CAMK1D: variants seen among roughly 807,000 people sequenced by gnomAD.
The protein encoded by CAMK1D is calcium/calmodulin-dependent protein kinase type 1D.
A neutral mutation model predicts 47.7 loss-of-function variants in CAMK1D; 9 were observed. The ratio of observed to expected loss-of-function variants is 0.19; its 90% CI spans 0.11 to 0.33. CAMK1D has a LOEUF of 0.33. Among genes scored for constraint, CAMK1D ranks in the 10% least tolerant of loss-of-function variants. The pLI is 1.00. For synonymous variants in CAMK1D, 184 were observed against 184.9 expected (o/e 0.99, Z 0.04); for missense variants, 291 against 488.7 (o/e 0.60, Z 3.81).
At chr10:12,367,671 C>T (rs973668510) in intron 1 of CAMK1D, among the ~76,000 whole-genome samples, 9 of 152,158 alleles carry the variant, frequency 5.9e-5, no homozygotes, top group South Asian at 2.1e-4. Flanking sequence ...ATCCCTGGTG[C>T]GCACAGTTCA....
At chr10:12,514,074 C>T (rs1111058) in intron 1 of CAMK1D, among the ~76,000 whole-genome samples, 14,407 of 152,188 alleles carry the variant, frequency 0.095, 899 homozygotes, top group East Asian at 0.36. Context: ...AACAGAGTTT[C>T]CCTGACTTGC....
intron 2 of CAMK1D, among the ~76,000 whole-genome samples, chr10:12,568,805 G>C (rs1837224760): frequency 6.6e-6 from 1 of 152,168 alleles, no homozygotes; most frequent in Non-Finnish European, 1.5e-5. Flanking sequence ...AACTAAGTAA[G>C]TGATACAGTG....
In CAMK1D at chr10:12,349,760, C is replaced by T. The variant is rs544813661; in HGVS notation, c.-59C>T. 8.0e-5 allele frequency: 61 copies of T among 762,712 alleles called. 1 individual carries two copies. In the East Asian group the frequency reaches 6.0e-3, roughly 75 times the overall value. The allele number at this position is 762,712 out of a possible 1,614,324, so 47.2% of individuals were successfully genotyped here. The stretch of plus-strand genomic sequence containing the variant: ...CGCCGCCTCTGCGCCCGCGCCGCGC[C>T]CCCGGCGCCCCCTCCCCAGCGCGCC... On this transcript the variant is annotated 5_prime_UTR_variant, in exon 1 of 11. Transcript: ENST00000619168.
intron 1 of CAMK1D, among the ~76,000 whole-genome samples, chr10:12,422,607 AT>A: frequency 6.6e-6 from 1 of 152,234 alleles, no homozygotes; most frequent in Middle Eastern, 3.4e-3. Flanking sequence ...GGAAAGCAGG[AT>A]TTGGGCTTAT....
At chr10:12,807,765 G>C (rs553136482) in intron 6 of CAMK1D, among the ~76,000 whole-genome samples, 186 of 152,274 alleles carry the variant, frequency 1.2e-3, no homozygotes, top group African/African-American at 4.3e-3. Flanking sequence ...GATCTGCCCG[G>C]TTCTGTCTGA....
intron 2 of CAMK1D, among the ~76,000 whole-genome samples, chr10:12,645,758 C>G (rs1310024019): frequency 6.6e-6 from 1 of 152,154 alleles, no homozygotes; most frequent in African/African-American, 2.4e-5. Context: ...GAGAGTTGGA[C>G]GGCTGATGGG....
intron 2 of CAMK1D, among the ~76,000 whole-genome samples, chr10:12,635,023 C>CA (rs1158114454): frequency 1.3e-5 from 2 of 152,138 alleles, no homozygotes; most frequent in African/African-American, 4.8e-5. Context: ...CCCAGACAGA[C>CA]AAAGTCTCTG....
intron 1 of CAMK1D, among the ~76,000 whole-genome samples, chr10:12,385,739 C>CTTTTT (rs71384318): frequency 4.0e-5 from 4 of 100,546 alleles, no homozygotes; most frequent in African/African-American, 7.7e-5. Context: ...TTGAATTGTA[C>CTTTTT]TTTTTTTTTT....
chr10:12,503,210 G>T (rs1217964012), intron 1 of CAMK1D, among the ~76,000 whole-genome samples: 1 of 152,310 alleles, frequency 6.6e-6, no homozygotes. Flanking sequence ...ATATGTATGT[G>T]GGTAGACGTA....
intron 1 of CAMK1D, among the ~76,000 whole-genome samples, chr10:12,534,174 C>G (rs1835895416): frequency 6.6e-6 from 1 of 152,050 alleles, no homozygotes; most frequent in Non-Finnish European, 1.5e-5. Flanking sequence ...ATCTGTCTAT[C>G]TATCTATCTA....
intron 2 of CAMK1D, among the ~76,000 whole-genome samples, chr10:12,658,641 C>T (rs1340825767): frequency 5.9e-5 from 9 of 152,102 alleles, no homozygotes; most frequent in African/African-American, 1.9e-4. Context: ...AATGGCTGGA[C>T]ATCAAGAGGA....
At chr10:12,817,900 G>A (rs991891421) in intron 8 of CAMK1D, among the ~76,000 whole-genome samples, 2 of 152,094 alleles carry the variant, frequency 1.3e-5, no homozygotes, top group Non-Finnish European at 2.9e-5. Flanking sequence ...TGTTGGCCAG[G>A]GTGGTCTCAA....
At chr10:12,567,517 G>A (rs530615660) in intron 2 of CAMK1D, among the ~76,000 whole-genome samples, 2 of 152,298 alleles carry the variant, frequency 1.3e-5, no homozygotes, top group Admixed American at 6.5e-5. Context: ...GTCTTCCTCC[G>A]TGACTCATTT....
At chr10:12,771,842 T>C (rs113936057) in intron 5 of CAMK1D, among the ~76,000 whole-genome samples, 3,818 of 152,266 alleles carry the variant, frequency 0.025, 188 homozygotes, top group African/African-American at 0.087. Context: ...AAGATCAGCC[T>C]GGCCAACATG....
chr10:12,625,155 G>C (rs1257662439), intron 2 of CAMK1D, among the ~76,000 whole-genome samples: 1 of 151,774 alleles, frequency 6.6e-6, no homozygotes, highest in Non-Finnish European at 1.5e-5. Context: ...TGGCCAACAT[G>C]ATAAAACCCC....
chr10:12,715,411 C>T (rs1052399739), intron 3 of CAMK1D, among the ~76,000 whole-genome samples: 1 of 152,150 alleles, frequency 6.6e-6, no homozygotes, highest in Non-Finnish European at 1.5e-5. Context: ...TCATTTTCCT[C>T]TTTTAAAATA....
At chr10:12,604,342 G>A (rs930779390) in intron 2 of CAMK1D, among the ~76,000 whole-genome samples, 6 of 152,172 alleles carry the variant, frequency 3.9e-5, no homozygotes, top group African/African-American at 1.4e-4. Context: ...ATAGGGAGTG[G>A]TACAAGTGCC....
At chr10:12,630,313 G>A (rs1056355817) in intron 2 of CAMK1D, among the ~76,000 whole-genome samples, 8 of 144,204 alleles carry the variant, frequency 5.5e-5, no homozygotes, top group South Asian at 4.4e-4. Context: ...CCCCCACCGC[G>A]TATATATTGT....
intron 5 of CAMK1D, among the ~76,000 whole-genome samples, chr10:12,790,045 G>A (rs1008580788): frequency 6.6e-6 from 1 of 152,276 alleles, no homozygotes; most frequent in Non-Finnish European, 1.5e-5. Context: ...GCCAGGAACA[G>A]GGAGTCAGGA....
Sources: allele counts gnomAD v4.1 joint callset (sites outside exome capture counted in the v4.1 genomes callset), GRCh38; gene constraint gnomAD v4.1.1; transcripts MANE v1.5; gene names NCBI Gene and HGNC (gene_info 2026-07-23, HGNC 2026-07-21).